Variants in SORCS1 observed in about 807,000 individuals in gnomAD.
SORCS1 encodes the protein sortilin related VPS10 domain containing receptor 1, also known as VPS10 domain-containing receptor SorCS1.
SORCS1 carries 60 observed loss-of-function variants against 146.1 expected under a neutral mutation model. That is an observed-to-expected ratio of 0.41 (90% confidence interval 0.33 to 0.51). The LOEUF (loss-of-function observed/expected upper bound fraction) is 0.51. Ranked by LOEUF, SORCS1 falls within the 20% of genes least tolerant of loss-of-function variation. The probability of loss-of-function intolerance (pLI) is 0.21; values close to 1 mark genes in which losing one functional copy is unlikely to be tolerated. For synonymous variants in SORCS1, 637 were observed against 584.0 expected (o/e 1.09, Z -1.31); for missense variants, 1,352 against 1,487.6 (o/e 0.91, Z 1.50).
intron 2 of SORCS1, among the ~76,000 whole-genome samples, chr10:106,879,760 C>T (rs888507543): frequency 6.6e-6 from 1 of 152,152 alleles, no homozygotes; most frequent in Non-Finnish European, 1.5e-5. Flanking sequence ...AGCTGTCAGC[C>T]AGCAAAGGCA....
At chr10:106,839,952 G>T (rs1045318446) in intron 2 of SORCS1, among the ~76,000 whole-genome samples, 1 of 152,134 alleles carries the variant, frequency 6.6e-6, no homozygotes, top group Non-Finnish European at 1.5e-5. Flanking sequence ...CAGATAAAAA[G>T]ATTCCTTTCA....
At chr10:106,828,013 G>A (rs999578624) in intron 3 of SORCS1, among the ~76,000 whole-genome samples, 3 of 152,132 alleles carry the variant, frequency 2.0e-5, no homozygotes, top group Admixed American at 1.3e-4. Flanking sequence ...AGAATGAAGA[G>A]AAAACATTAA....
chr10:107,028,122 G>C, intron 1 of SORCS1, among the ~76,000 whole-genome samples: 1 of 152,186 alleles, frequency 6.6e-6, no homozygotes, highest in Non-Finnish European at 1.5e-5. Context: ...GTTCTTAATA[G>C]GAAGGAGGTG....
At chr10:107,074,362 A>C (rs1437653093) in intron 1 of SORCS1, among the ~76,000 whole-genome samples, 1 of 152,070 alleles carries the variant, frequency 6.6e-6, no homozygotes, top group African/African-American at 2.4e-5. Context: ...ATGTCTCTTC[A>C]TGACTTGATA....
At chr10:107,102,514 T>G (rs534218100) in intron 1 of SORCS1, among the ~76,000 whole-genome samples, 1 of 152,344 alleles carries the variant, frequency 6.6e-6, no homozygotes, top group Non-Finnish European at 1.5e-5. Context: ...TATCAATTTT[T>G]GGAGTTACAT....
chr10:106,933,344 C>T (rs1240582210), intron 2 of SORCS1, among the ~76,000 whole-genome samples: 1 of 152,128 alleles, frequency 6.6e-6, no homozygotes, highest in East Asian at 1.9e-4. Context: ...TTGGGTGGGG[C>T]CACACATATA....
At chr10:106,884,646 A>G (rs1950927731) in intron 2 of SORCS1, among the ~76,000 whole-genome samples, 1 of 152,188 alleles carries the variant, frequency 6.6e-6, no homozygotes, top group Non-Finnish European at 1.5e-5. Flanking sequence ...GACAAATTAA[A>G]TTCTCCTCCA....
chr10:106,916,171 T>C (rs1239553377), intron 2 of SORCS1, among the ~76,000 whole-genome samples: 1 of 152,196 alleles, frequency 6.6e-6, no homozygotes, highest in Non-Finnish European at 1.5e-5. Context: ...GAATACATTA[T>C]TCAATTAATT....
rs1288966397 is a variant in SORCS1, at chr10:106,577,156, TTTGA to T, written c.*260_*263del. On this transcript the variant is annotated 3_prime_UTR_variant, in exon 26 of 26. Transcript: ENST00000263054. ...TGAGTGTTTGTTTGTTTGTTTGGAT[TTTGA>T]TTGTTTATATTTTATGTTTTGTTTT... is the stretch of plus-strand genomic sequence containing the variant. 1 of 1,343,748 alleles carries T rather than the reference TTTGA, an allele frequency of 7.4e-7. No homozygotes were observed. The highest frequency in any genetic ancestry group is 1.5e-5 in the African/African-American group (1 of 67,582). The allele number at this position is 1,343,748 out of a possible 1,614,324, so 83.2% of individuals were successfully genotyped here. A position where few individuals can be genotyped will look rare whatever the true frequency, so the allele number is the denominator to read the frequency against.
chr10:106,676,881 AG>A (rs1852068266), intron 13 of SORCS1, among the ~76,000 whole-genome samples: 1 of 152,194 alleles, frequency 6.6e-6, no homozygotes, highest in Non-Finnish European at 1.5e-5. Flanking sequence ...TACCAGATAA[AG>A]ACATCTGGAC....
intron 2 of SORCS1, among the ~76,000 whole-genome samples, chr10:106,916,086 T>C (rs1952412744): frequency 6.6e-6 from 1 of 152,216 alleles, no homozygotes; most frequent in Non-Finnish European, 1.5e-5. Context: ...TCCCTGTCAC[T>C]CTTGCCTAGG....
intron 1 of SORCS1, among the ~76,000 whole-genome samples, chr10:107,000,912 T>G (rs1347800183): frequency 6.6e-6 from 1 of 152,086 alleles, no homozygotes; most frequent in Admixed American, 6.6e-5. Flanking sequence ...CACTAGAAGA[T>G]GGATGTTATT....
At position 106,776,419 on chromosome 10, in the gene SORCS1, G is replaced by C; in HGVS notation, c.885+115C>G. 3.0e-6 allele frequency: 4 copies of C among 1,335,172 alleles called. No individual in the cohort carries two copies. The South Asian group carries it at 5.4e-5, about 18-fold the overall frequency. The allele number at this position is 1,335,172 out of a possible 1,614,324, so 82.7% of individuals were successfully genotyped here. A position where few individuals can be genotyped will look rare whatever the true frequency, so the allele number is the denominator to read the frequency against. ...CCTTGTCCCATTAGCACAGAGGTCA[G>C]GCTACTGCTCAGAACAAAAATGATC... On this transcript the variant is annotated intron_variant, in intron 4 of 25. Coordinates refer to ENST00000263054, the MANE Select transcript of SORCS1 (RefSeq NM_052918.5).
At chr10:107,034,653 C>T (rs1958807719) in intron 1 of SORCS1, among the ~76,000 whole-genome samples, 1 of 103,328 alleles carries the variant, frequency 9.7e-6, no homozygotes, top group Non-Finnish European at 1.8e-5. Context: ...GCACTCCAGC[C>T]TGGGAAACAT....
At chr10:106,601,080 G>A (rs1564762561) in intron 23 of SORCS1, among the ~76,000 whole-genome samples, 1 of 152,274 alleles carries the variant, frequency 6.6e-6, no homozygotes, top group East Asian at 1.9e-4. Flanking sequence ...ATTGGGTAAT[G>A]TTTGGGAGAG....
intron 1 of SORCS1, among the ~76,000 whole-genome samples, chr10:107,063,033 T>G (rs901955143): frequency 5.3e-5 from 8 of 152,150 alleles, no homozygotes; most frequent in African/African-American, 1.9e-4. Context: ...CTAGGCTCTG[T>G]GAGAGGTTCT....
At chr10:107,118,329 A>G (rs1966172545) in intron 1 of SORCS1, among the ~76,000 whole-genome samples, 1 of 152,182 alleles carries the variant, frequency 6.6e-6, no homozygotes, top group Non-Finnish European at 1.5e-5. Flanking sequence ...GTTGTTTATA[A>G]GCCACCCAGG....
intron 6 of SORCS1, among the ~76,000 whole-genome samples, chr10:106,725,856 AGGGGGC>A (rs1856115714): frequency 8.4e-6 from 1 of 118,720 alleles, no homozygotes; most frequent in African/African-American, 3.1e-5. Context: ...GCTTGAACCC[AGGGGGC>A]AGAGGTTGCA....
chr10:106,751,767 C>G (rs113488066), intron 5 of SORCS1, among the ~76,000 whole-genome samples: 71 of 152,238 alleles, frequency 4.7e-4, no homozygotes, highest in African/African-American at 1.7e-3. Context: ...ATTTCAGTCT[C>G]TGCGTTGATG....
Sources: allele counts gnomAD v4.1 joint callset (sites outside exome capture counted in the v4.1 genomes callset), GRCh38; gene constraint gnomAD v4.1.1; transcripts MANE v1.5; gene names NCBI Gene and HGNC (gene_info 2026-07-23, HGNC 2026-07-21).